Variants in ZNF45 observed in about 807,000 individuals in gnomAD.
ZNF45 encodes the protein BRC1744.
ZNF45 carries 4 observed loss-of-function variants against 12.0 expected under a neutral mutation model. The observed-to-expected ratio is 0.33, with a 90% CI of 0.16 to 0.76. ZNF45 has a LOEUF of 0.76. ZNF45 is among the 30% of genes least tolerant of loss of function. The pLI, the probability that ZNF45 is intolerant of heterozygous loss-of-function variation, is 0.60. For missense variants in ZNF45, 700 were observed against 813.0 expected, an observed-to-expected ratio of 0.86 and a Z score of 1.69; for synonymous variants, 272 against 279.6, an observed-to-expected ratio of 0.97 and a Z score of 0.27.
intron 9 of ZNF45, among the ~76,000 whole-genome samples, chr19:43,915,659 G>A (rs1972592559): frequency 1.3e-5 from 2 of 152,304 alleles, no homozygotes; most frequent in Admixed American, 6.5e-5. Context: ...ATTCTTATAG[G>A]AGTGCGAATC....
chr19:43,923,996 CT>C (rs1973459494), intron 6 of ZNF45, among the ~76,000 whole-genome samples: 1 of 150,214 alleles, frequency 6.7e-6, no homozygotes, highest in African/African-American at 2.4e-5. Flanking sequence ...AAAAAAAGAC[CT>C]TGCAAAATTT....
intron 9 of ZNF45, among the ~76,000 whole-genome samples, chr19:43,917,214 T>TAA (rs982246636): frequency 6.6e-5 from 10 of 152,206 alleles, no homozygotes; most frequent in Admixed American, 5.9e-4. Flanking sequence ...CATAAATTCT[T>TAA]GTTTAAGGCC....
intron 8 of ZNF45, 66 bp downstream of exon 8, chr19:43,919,507 T>G: frequency 6.4e-7 from 1 of 1,557,260 alleles, no homozygotes; most frequent in Non-Finnish European, 8.7e-7. Flanking sequence ...TCCAAAGCCC[T>G]GTATACCCAA....
chr19:43,918,790 G>T, intron 9 of ZNF45, 80 bp downstream of exon 9: 1 of 1,210,350 alleles, frequency 8.3e-7, no homozygotes, highest in Non-Finnish European at 1.2e-6. Flanking sequence ...CTATGCCTTC[G>T]TCACACATTT....
chr19:43,920,344 GT>G (rs1351525316), intron 7 of ZNF45, among the ~76,000 whole-genome samples: 3 of 151,876 alleles, frequency 2.0e-5, no homozygotes, highest in African/African-American at 7.3e-5. Context: ...TTTTGCTGGT[GT>G]TTTATAGCTT....
At chr19:43,929,176 A>G (rs955226466) in intron 3 of ZNF45, among the ~76,000 whole-genome samples, 1 of 152,218 alleles carries the variant, frequency 6.6e-6, no homozygotes, top group African/African-American at 2.4e-5. Context: ...ACCGCTCGAC[A>G]GTGGTTCTCA....
At position 43,927,261 on chromosome 19, in the gene ZNF45, C is replaced by T. The variant is rs533652255; in HGVS notation, c.-399-1803G>A. The stretch of plus-strand genomic sequence containing the variant: ...ATTACACTTGTCTAATGTGGAGTTT[C>T]GTTACCTGCTCCATCCCCAACACCT... On this transcript the variant is annotated intron_variant, in intron 3 of 9. Transcript: ENST00000269973. Among the ~76,000 whole-genome samples the T allele has an allele frequency of 2.2e-3, 337 of 152,312 alleles. 1 individual carries two copies. The highest frequency in any genetic ancestry group is 4.0e-3 in the Non-Finnish European group (273 of 68,024).
At chr19:43,933,324 C>T (rs55736013) in intron 2 of ZNF45, among the ~76,000 whole-genome samples, 58,844 of 151,814 alleles carry the variant, frequency 0.39, 12,888 homozygotes, top group South Asian at 0.52. Flanking sequence ...CAAAAATTAG[C>T]AGGGCGTGGT....
intron 3 of ZNF45, chr19:43,926,680 G>C (rs924096932): frequency 6.6e-6 from 1 of 152,298 alleles, no homozygotes; most frequent in Admixed American, 6.5e-5. Context: ...ATCCTTTAGC[G>C]GCATGAGGAA....
At chr19:43,918,353 T>C (rs906531239) in intron 9 of ZNF45, among the ~76,000 whole-genome samples, 34 of 152,346 alleles carry the variant, frequency 2.2e-4, no homozygotes, top group African/African-American at 8.2e-4. Flanking sequence ...GTGAGTGTTA[T>C]GGTCTCAATG....
Position 43,914,139 on chromosome 19 carries a change from T to C in ZNF45, c.1297A>G (p.Ile433Val). ...TCCCCTGTATGGACTCTAAAATGAA[T>C]GTTAAAATCTGAGCTACGACTGAAG... ...KGFSRSSDFN[I>V]HFRVHTGEKP... The change falls in exon 10 of 10, where the codon ATT (isoleucine) becomes GTT (valine). Residue 433 changes from isoleucine (I) to valine (V), a missense_variant. By Grantham distance (29) the Ile-to-Val change is conservative. Transcript: ENST00000269973. The C allele has an allele frequency of 6.2e-7, 1 of 1,613,230 alleles. No individual in the cohort carries two copies. Among genetic ancestry groups the C allele is most frequent in the Non-Finnish European group, 8.5e-7 (1 of 1,179,744 alleles).
At chr19:43,921,467 T>A (rs408549) in intron 7 of ZNF45, among the ~76,000 whole-genome samples, 73,870 of 152,052 alleles carry the variant, frequency 0.49, 18,861 homozygotes, top group East Asian at 0.81. Context: ...TAGCTTTCTT[T>A]TGTGGAAATA....
intron 3 of ZNF45, among the ~76,000 whole-genome samples, chr19:43,931,643 C>A (rs1244776638): frequency 1.3e-5 from 2 of 152,152 alleles, no homozygotes; most frequent in African/African-American, 4.8e-5. Flanking sequence ...CTATAATACA[C>A]AGAGGACTTA....
chr19:43,920,536 G>GGA (rs1491174364), intron 7 of ZNF45, among the ~76,000 whole-genome samples: 2 of 10,040 alleles, frequency 2.0e-4, no homozygotes, highest in Non-Finnish European at 1.3e-3. Flanking sequence ...GTTGCCGGGT[G>GGA]GGGGGGGGGG....
At chr19:43,915,310 A>G in intron 9 of ZNF45, 110 bp from the exon 10 acceptor site, 1 of 1,163,556 alleles carries the variant, frequency 8.6e-7, no homozygotes, top group Non-Finnish European at 1.1e-6. Flanking sequence ...GAACCAGGAG[A>G]AGGTTCCATT....
At chr19:43,921,515 C>CA (rs1342145077) in intron 7 of ZNF45, among the ~76,000 whole-genome samples, 1 of 152,162 alleles carries the variant, frequency 6.6e-6, no homozygotes, top group African/African-American at 2.4e-5. Flanking sequence ...GGCATCATGT[C>CA]ACACGATGTC....
chr19:43,913,603 T>A lies in ZNF45; in HGVS notation c.1833A>T (p.Pro611=), dbSNP rs1972381186. Residue 611 remains proline, a synonymous_variant, in exon 10 of 10, where the codon CCA becomes CCT. Coordinates refer to ENST00000269973, the MANE Select transcript of ZNF45 (RefSeq NM_003425.4). ...AHQRVHTGER[P]YKCEECGKVF... is the part of the protein sequence containing the mutation. ...CTTTCCCACATTCCTCACATTTGTA[T>A]GGTCTCTCTCCTGTGTGGACCCTCT... 1 of 1,614,060 alleles carries A rather than the reference T, an allele frequency of 6.2e-7. No homozygotes were observed. Among genetic ancestry groups the A allele is most frequent in the Non-Finnish European group, 8.5e-7 (1 of 1,179,998 alleles).
chr19:43,915,928 C>T (rs1972625128), intron 9 of ZNF45, among the ~76,000 whole-genome samples: 1 of 152,116 alleles, frequency 6.6e-6, no homozygotes. Flanking sequence ...TCCATGAGAA[C>T]ACCTGGGAGA....
At chr19:43,927,235 C>T (rs1288478705) in intron 3 of ZNF45, among the ~76,000 whole-genome samples, 1 of 152,152 alleles carries the variant, frequency 6.6e-6, no homozygotes, top group Non-Finnish European at 1.5e-5. Context: ...TACTTATATT[C>T]ATTACACTTG....
Sources: allele counts gnomAD v4.1 joint callset (sites outside exome capture counted in the v4.1 genomes callset), GRCh38; gene constraint gnomAD v4.1.1; transcripts MANE v1.5; gene names NCBI Gene and HGNC (gene_info 2026-07-23, HGNC 2026-07-21).